SYT7: variants seen among roughly 807,000 people sequenced by gnomAD.
SYT7 encodes synaptotagmin 7, also known as synaptotagmin-7.
Under a neutral mutation model 75.1 loss-of-function variants are expected in SYT7, and 29 were observed. The ratio of observed to expected loss-of-function variants is 0.39; its 90% CI spans 0.29 to 0.53. The LOEUF is 0.53. Among genes scored for constraint, SYT7 ranks in the 20% least tolerant of loss-of-function variants. The pLI is 0.77. For synonymous variants in SYT7, 376 were observed against 401.7 expected (o/e 0.94, Z 0.76); for missense variants, 693 against 953.2 (o/e 0.73, Z 3.59).
In SYT7 at chr11:61,517,696, C is replaced by T. The variant is rs1025503557; in HGVS notation, c.*931G>A. On this transcript the variant is annotated 3_prime_UTR_variant, in exon 13 of 13. Coordinates refer to ENST00000539008, the MANE Select transcript of SYT7 (RefSeq NM_001365809.2). Reference sequence around the variant, plus strand: ...GGGCAAAGCTAGTCGGGGCTCGGGACCCCCTGAGAAGGAAGGGAGATGAGT... The same window carrying T: ...GGGCAAAGCTAGTCGGGGCTCGGGATCCCCTGAGAAGGAAGGGAGATGAGT... The T allele has an allele frequency of 1.3e-5, 5 of 397,762 alleles. No homozygotes were observed. The highest frequency in any genetic ancestry group is 2.2e-5 in the Non-Finnish European group (5 of 226,118). 24.6% of individuals were successfully genotyped at this position (397,762 alleles called of 1,614,324 possible). A position where few individuals can be genotyped will look rare whatever the true frequency, so the allele number is the denominator to read the frequency against.
In SYT7 at chr11:61,546,758, G is replaced by A. The variant is rs907382587; in HGVS notation, c.347+419C>T. ...CCACCATCACCGCCACCACCGCCAC[G>A]AACCACCGACCACCGACCACCGACC... is the stretch of plus-strand genomic sequence containing the variant. On this transcript the variant is annotated intron_variant, in intron 4 of 12. Transcript: ENST00000539008. This position sits in a 1 kb window ranked among gnomAD's most constrained non-coding sequence, Gnocchi z 7.6. The A allele has an allele frequency of 7.2e-6, 3 of 418,820 alleles. No individual in the cohort carries two copies. The highest frequency in any genetic ancestry group is 2.1e-5 in the African/African-American group (1 of 48,680). 25.9% of individuals were successfully genotyped at this position (418,820 alleles called of 1,614,324 possible).
At position 61,515,057 on chromosome 11, in the gene SYT7, A is replaced by C. The variant is rs2062116158; in HGVS notation, c.*3570T>G. Among the ~76,000 whole-genome samples, 1 of 152,226 alleles carries C rather than the reference A, an allele frequency of 6.6e-6. No individual in the cohort carries two copies. Among genetic ancestry groups the C allele is most frequent in the African/African-American group, 2.4e-5 (1 of 41,456 alleles). ...GGCCTAGAGAGGACTCTACTCCCAA[A>C]AAGCCTTGTGTCAGGCCTGATCTGG... is the stretch of plus-strand genomic sequence containing the variant. On this transcript the variant is annotated 3_prime_UTR_variant, in exon 13 of 13. Transcript: ENST00000539008.
At chr11:61,531,891 C>CAAAAAA in intron 8 of SYT7, among the ~76,000 whole-genome samples, 1 of 49,410 alleles carries the variant, frequency 2.0e-5, no homozygotes, top group South Asian at 7.8e-4. Context: ...GATTCTGTCT[C>CAAAAAA]AAAAAAAAAA....
chr11:61,528,142 C>T lies in SYT7; in HGVS notation c.1244G>A (p.Ser415Asn), dbSNP rs759090600. ...CTGGATCCGGCCCAGGTTCTCTCGGCTGCAACCCTCGTGGGCCTCATCCTC... is the reference window on the plus strand; with the variant it reads ...CTGGATCCGGCCCAGGTTCTCTCGGTTGCAACCCTCGTGGGCCTCATCCTC... ...SEEDEAHEGC[S>N]RENLGRIQFS... Residue 415 changes from serine to asparagine, a missense_variant, in exon 9 of 13, where the codon AGC becomes AAC. Coordinates refer to ENST00000539008, the MANE Select transcript of SYT7 (RefSeq NM_001365809.2). 5 of 1,612,888 alleles carry T rather than the reference C, an allele frequency of 3.1e-6. No individual in the cohort carries two copies. Among genetic ancestry groups the T allele is most frequent in the Non-Finnish European group, 4.2e-6 (5 of 1,180,020 alleles).
At chr11:61,531,190 G>A (rs1193398171) in intron 8 of SYT7, 11 of 960,862 alleles carry the variant, frequency 1.1e-5, no homozygotes, top group African/African-American at 1.8e-5. Context: ...TTGGCACAGA[G>A]CTGTGCAATT....
chr11:61,555,026 C>T (rs2063455511), intron 2 of SYT7, among the ~76,000 whole-genome samples: 1 of 152,218 alleles, frequency 6.6e-6, no homozygotes, highest in Admixed American at 6.5e-5. Context: ...TCACAAGACC[C>T]CAAAACCTTT....
Position 61,523,451 on chromosome 11 carries a change from G to A in SYT7, c.1757-177C>T, listed in dbSNP as rs953168182. ...GGAGAATCAGCAGATGGACCTTAGCGATCACCTGGGGCCCTCCTATTACTA... is the reference window on the plus strand; with the variant it reads ...GGAGAATCAGCAGATGGACCTTAGCAATCACCTGGGGCCCTCCTATTACTA... On this transcript the variant is annotated intron_variant, in intron 11 of 12. Transcript: ENST00000539008. This position sits in a 1 kb window ranked among gnomAD's most constrained non-coding sequence, Gnocchi z 5.0. 5.9e-5 allele frequency among the ~76,000 whole-genome samples: 9 copies of A among 152,244 alleles called. No individual in the cohort carries two copies. Among genetic ancestry groups the A allele is most frequent in the East Asian group, 1.9e-4 (1 of 5,174 alleles).
chr11:61,517,208 G>T lies in SYT7; in HGVS notation c.*1419C>A. 2 of 398,636 alleles carry T rather than the reference G, an allele frequency of 5.0e-6. No homozygotes were observed. The highest frequency in any genetic ancestry group is 2.6e-4 in the South Asian group (2 of 7,834). The allele number at this position is 398,636 out of a possible 1,614,324, so 24.7% of individuals were successfully genotyped here. ...TGTATCAATACCAGGACCAGCGTGG[G>T]GATGAGAGGGCTTAAGCAGGGATCA... On this transcript the variant is annotated 3_prime_UTR_variant, in exon 13 of 13. Coordinates refer to ENST00000539008, the MANE Select transcript of SYT7 (RefSeq NM_001365809.2).
At chr11:61,559,753 C>T (rs893796557) in intron 1 of SYT7, among the ~76,000 whole-genome samples, 1 of 152,196 alleles carries the variant, frequency 6.6e-6, no homozygotes, top group African/African-American at 2.4e-5. Context: ...ACCCCTGCTG[C>T]AGGTCAGAGA....
chr11:61,566,913 C>T (rs142747150), intron 1 of SYT7, among the ~76,000 whole-genome samples: 4 of 152,352 alleles, frequency 2.6e-5, no homozygotes, highest in Admixed American at 2.0e-4. Flanking sequence ...GGCTTCCTCA[C>T]GGGCCACCTG....
rs939004046 is a variant in SYT7 at position 61,514,005 on chromosome 11, G to C, written c.*4622C>G. Among the ~76,000 whole-genome samples, 1 of 152,062 alleles carries C rather than the reference G, an allele frequency of 6.6e-6. No homozygotes were observed. The highest frequency in any genetic ancestry group is 6.5e-5 in the Admixed American group (1 of 15,274). On this transcript the variant is annotated 3_prime_UTR_variant, in exon 13 of 13. Transcript: ENST00000539008. ...CTTCCAGAAAGCAGCAGTATCCAGG[G>C]GGGGACTCACAGGAGAAAGAAAACA...
intron 7 of SYT7, among the ~76,000 whole-genome samples, chr11:61,534,751 A>G (rs12275605): frequency 0.016 from 2,363 of 152,190 alleles, 25 homozygotes; most frequent in South Asian, 0.059. Context: ...CTGCCTCTAC[A>G]ACACGGAAAC....
upstream of SYT7, among the ~76,000 whole-genome samples, chr11:61,582,092 A>T (rs981270318): frequency 1.3e-5 from 2 of 151,692 alleles, no homozygotes; most frequent in African/African-American, 2.4e-5. Flanking sequence ...ACATACACAC[A>T]CACACACACA....
intron 2 of SYT7, among the ~76,000 whole-genome samples, chr11:61,555,154 G>A (rs1163807884): frequency 6.6e-6 from 1 of 152,154 alleles, no homozygotes; most frequent in East Asian, 1.9e-4. Context: ...CTTTGGCTGC[G>A]CAGGAAGAGA....
intron 7 of SYT7, among the ~76,000 whole-genome samples, chr11:61,534,470 T>TAC (rs1348099504): frequency 6.7e-6 from 1 of 150,094 alleles, no homozygotes; most frequent in African/African-American, 2.5e-5. Flanking sequence ...CGTGCATATG[T>TAC]ACACACACAC....
In SYT7 at chr11:61,546,265, T is replaced by C. The variant is rs2063185244; in HGVS notation, c.348-10A>G. Reference sequence around the variant, plus strand: ...CGACAGGAGGGTGCCACTGGAGGCATGCACGAGGCAGCCAGGCCAGAGGGG... The same window carrying C: ...CGACAGGAGGGTGCCACTGGAGGCACGCACGAGGCAGCCAGGCCAGAGGGG... On this transcript the variant is annotated splice_polypyrimidine_tract_variant and intron_variant, in intron 4 of 12. Transcript: ENST00000539008. This position sits in a 1 kb window ranked among gnomAD's most constrained non-coding sequence, Gnocchi z 7.6. The C allele has an allele frequency of 2.1e-6, 3 of 1,426,096 alleles. No individual in the cohort carries two copies. The highest frequency in any genetic ancestry group is 3.0e-5 in the Admixed American group (1 of 33,760). 88.3% of individuals were successfully genotyped at this position (1,426,096 alleles called of 1,614,324 possible). A position where few individuals can be genotyped will look rare whatever the true frequency, so the allele number is the denominator to read the frequency against.
Position 61,533,019 on chromosome 11 carries a change from G to C in SYT7, c.1170C>G (p.Leu390=). ...GCATCTCGCTGGTGAGGGAGTTGAC[G>C]AGGTCTGAGACGGAGGAACGTGGCT... ...RTEPRSSVSD[L]VNSLTSEMLM... The change falls in exon 8 of 13, where the codon CTC becomes CTG. Residue 390 remains leucine (L), a synonymous_variant. Coordinates refer to ENST00000539008, the MANE Select transcript of SYT7 (RefSeq NM_001365809.2). The C allele has an allele frequency of 6.2e-7, 1 of 1,613,664 alleles. No individual in the cohort carries two copies. Among genetic ancestry groups the C allele is most frequent in the Non-Finnish European group, 8.5e-7 (1 of 1,180,008 alleles).
intron 5 of SYT7, among the ~76,000 whole-genome samples, chr11:61,545,531 C>G (rs894941429): frequency 6.6e-6 from 1 of 152,194 alleles, no homozygotes; most frequent in African/African-American, 2.4e-5. Flanking sequence ...ATGGAGTCAC[C>G]CGATGGTCAA....
chr11:61,575,083 T>C (rs931170279), intron 1 of SYT7, among the ~76,000 whole-genome samples: 2 of 151,780 alleles, frequency 1.3e-5, no homozygotes, highest in African/African-American at 4.8e-5. Flanking sequence ...TCCTGGGGGC[T>C]CTAGAACCAG....
Sources: allele counts gnomAD v4.1 joint callset (sites outside exome capture counted in the v4.1 genomes callset), GRCh38; gene constraint gnomAD v4.1.1; non-coding constraint Gnocchi (gnomAD v3.1); transcripts MANE v1.5; gene names NCBI Gene and HGNC (gene_info 2026-07-23, HGNC 2026-07-21).